The following MAPK10 variants were observed in gnomAD, a reference collection of about 807,000 sequenced individuals.
MAPK10 encodes JNK3 alpha protein kinase.
A neutral mutation model predicts 59.3 loss-of-function variants in MAPK10; 25 were observed. The observed-to-expected ratio is 0.42, with a 90% CI of 0.31 to 0.59. MAPK10 has a LOEUF of 0.59. MAPK10 is among the 20% of genes least tolerant of loss of function. MAPK10 has a pLI of 0.15. For missense variants in MAPK10, 351 were observed against 568.9 expected, an observed-to-expected ratio of 0.62 and a Z score of 3.90; for synonymous variants, 190 against 200.5, an observed-to-expected ratio of 0.95 and a Z score of 0.44.
chr4:86,482,945 C>T (rs1344349038), intron 1 of MAPK10, among the ~76,000 whole-genome samples: 1 of 152,048 alleles, frequency 6.6e-6, no homozygotes, highest in African/African-American at 2.4e-5. Flanking sequence ...ATTTAGCTTT[C>T]CAAAGAGCTG....
intron 2 of MAPK10, among the ~76,000 whole-genome samples, chr4:86,310,757 AT>A (rs1352468200): frequency 6.6e-6 from 1 of 151,484 alleles, no homozygotes; most frequent in African/African-American, 2.4e-5. Context: ...GCTCTCTGTT[AT>A]TTTTTTCCTA....
chr4:86,098,288 G>A (rs757689726), intron 9 of MAPK10: 7 of 380,700 alleles, frequency 1.8e-5, no homozygotes, highest in Non-Finnish European at 3.1e-5. Context: ...ATTTTTAGTT[G>A]CAGGCAAGAA....
chr4:86,149,360 A>C (rs113483083), intron 4 of MAPK10, among the ~76,000 whole-genome samples: 1 of 152,026 alleles, frequency 6.6e-6, no homozygotes, highest in Non-Finnish European at 1.5e-5. Flanking sequence ...TCCGCCCCCC[A>C]GGTTCAAGCG....
intron 1 of MAPK10, among the ~76,000 whole-genome samples, chr4:86,437,247 A>C (rs183444520): frequency 6.6e-6 from 1 of 150,814 alleles, no homozygotes; most frequent in African/African-American, 2.4e-5. Flanking sequence ...TGTTTGCCCC[A>C]GATGTTTTAT....
intron 1 of MAPK10, among the ~76,000 whole-genome samples, chr4:86,527,312 C>CAAAAAA (rs57390422): frequency 6.2e-5 from 1 of 16,182 alleles, no homozygotes; most frequent in Non-Finnish European, 1.4e-4. Flanking sequence ...ACACTGTTGC[C>CAAAAAA]AAAAAAAAAA....
At position 86,492,213 on chromosome 4, in the gene MAPK10, A is replaced by G. The variant is rs17011940; in HGVS notation, c.-263+101697T>C. ...TGCAATGCTAAAATAGCAGTTACCC[A>G]GAAGGTAGGTCTCGAGAAGGAATGA... On this transcript the variant is annotated intron_variant, in intron 1 of 4. Coordinates refer to the MAPK10 transcript ENST00000502302. Among the ~76,000 whole-genome samples, 269 of 152,348 alleles carry G rather than the reference A, an allele frequency of 1.8e-3. 4 individuals carry two copies. The East Asian group carries it at 0.038, about 21-fold the overall frequency.
chr4:86,535,667 T>C (rs1758188733), intron 1 of MAPK10, among the ~76,000 whole-genome samples: 1 of 152,128 alleles, frequency 6.6e-6, no homozygotes, highest in South Asian at 2.1e-4. Flanking sequence ...TTCCTTTATA[T>C]ATAGACTCAC....
chr4:86,438,086 G>A (rs1030067950), intron 1 of MAPK10, among the ~76,000 whole-genome samples: 10 of 152,138 alleles, frequency 6.6e-5, no homozygotes, highest in Non-Finnish European at 1.3e-4. Context: ...TTACCTTCAA[G>A]AGGGAATTAG....
intron 2 of MAPK10, among the ~76,000 whole-genome samples, chr4:86,251,447 T>C (rs1354782007): frequency 6.8e-6 from 1 of 146,670 alleles, no homozygotes; most frequent in African/African-American, 2.5e-5. Context: ...GTTCTTGCGA[T>C]AGTTTACTGA....
At chr4:86,497,739 G>C (rs985532923) in intron 1 of MAPK10, among the ~76,000 whole-genome samples, 1 of 152,132 alleles carries the variant, frequency 6.6e-6, no homozygotes, top group African/African-American at 2.4e-5. Flanking sequence ...GGCCAATTTC[G>C]AGTGTACCAA....
intron 2 of MAPK10, among the ~76,000 whole-genome samples, chr4:86,246,778 C>T (rs1385599621): frequency 1.3e-5 from 2 of 152,190 alleles, no homozygotes; most frequent in Non-Finnish European, 2.9e-5. Flanking sequence ...GGCAGTGGGA[C>T]ACTAGAGTCT....
chr4:86,538,817 A>C (rs1486130772), intron 1 of MAPK10, among the ~76,000 whole-genome samples: 1 of 152,182 alleles, frequency 6.6e-6, no homozygotes, highest in African/African-American at 2.4e-5. Context: ...TAAATCTCAT[A>C]CTAAAACACC....
chr4:86,426,011 G>A (rs1250525035), intron 1 of MAPK10, among the ~76,000 whole-genome samples: 1 of 152,120 alleles, frequency 6.6e-6, no homozygotes, highest in Non-Finnish European at 1.5e-5. Flanking sequence ...TCTACACTAA[G>A]CTATGCTAAG....
rs754059995 is a variant in MAPK10 at position 86,014,301 on chromosome 4, GGGGTGTGT to G, written c.*2919_*2926del. ...ACAGGTGACTATTTAAGAAATATTT[GGGGTGTGT>G]GTGTGTGTGTGTGTGTGTGTGTGTG... On this transcript the variant is annotated 3_prime_UTR_variant, in exon 14 of 14. Transcript: ENST00000641462. 4 of 103,460 alleles carry G rather than the reference GGGGTGTGT, an allele frequency of 3.9e-5. No homozygotes were observed. The highest frequency in any genetic ancestry group is 6.1e-5 in the Non-Finnish European group (3 of 49,152). The allele number at this position is 103,460 out of a possible 1,614,324, so 6.4% of individuals were successfully genotyped here. A position where few individuals can be genotyped will look rare whatever the true frequency, so the allele number is the denominator to read the frequency against.
chr4:86,212,005 GA>G (rs1252185623), intron 2 of MAPK10, among the ~76,000 whole-genome samples: 2 of 151,812 alleles, frequency 1.3e-5, no homozygotes, highest in East Asian at 1.9e-4. Context: ...AAGAAAGAAA[GA>G]AAAAAAGACA....
At chr4:86,179,767 A>C (rs2076487103) in intron 3 of MAPK10, among the ~76,000 whole-genome samples, 1 of 152,140 alleles carries the variant, frequency 6.6e-6, no homozygotes, top group Non-Finnish European at 1.5e-5. Context: ...CTCTTCAATA[A>C]ATGATGCTAA....
intron 11 of MAPK10, among the ~76,000 whole-genome samples, chr4:86,042,095 A>G (rs1019281625): frequency 5.9e-5 from 9 of 152,254 alleles, no homozygotes; most frequent in African/African-American, 2.2e-4. Flanking sequence ...GACTGGATAA[A>G]GAAAATGTGG....
intron 2 of MAPK10, among the ~76,000 whole-genome samples, chr4:86,292,979 T>C (rs568602055): frequency 1.4e-4 from 21 of 152,180 alleles, no homozygotes; most frequent in Admixed American, 6.5e-5. Context: ...CATAAGATGT[T>C]TTGTCAGGAA....
chr4:86,051,303 C>T (rs1207878448), intron 11 of MAPK10, among the ~76,000 whole-genome samples: 2 of 152,128 alleles, frequency 1.3e-5, no homozygotes, highest in Non-Finnish European at 1.5e-5. Context: ...TTTCAATATT[C>T]TGTCTCATCT....
Sources: gnomAD v4.1 joint callset for allele counts (sites outside exome capture counted in the v4.1 genomes callset) on GRCh38, gnomAD v4.1.1 for gene constraint, MANE v1.5 for transcripts, NCBI Gene and HGNC (gene_info 2026-07-23, HGNC 2026-07-21) for gene names.